NEGR1: variants seen among roughly 807,000 people sequenced by gnomAD.
The protein encoded by NEGR1 is neuronal growth regulator 1.
A neutral mutation model predicts 40.9 loss-of-function variants in NEGR1; 10 were observed. The observed-to-expected ratio is 0.24, with a 90% CI of 0.15 to 0.42. NEGR1 has a LOEUF of 0.42. NEGR1 is among the 10% of genes least tolerant of loss of function. The pLI is 1.00. For missense variants in NEGR1, 352 were observed against 438.9 expected (o/e 0.80, Z 1.77); for synonymous variants, 185 against 166.8 (o/e 1.11, Z -0.84).
intron 2 of NEGR1, among the ~76,000 whole-genome samples, chr1:71,911,494 C>G (rs534543047): frequency 6.6e-6 from 1 of 152,196 alleles, no homozygotes; most frequent in East Asian, 1.9e-4. Context: ...GTAAATAATG[C>G]AGAACACATT....
At chr1:71,750,781 A>G (rs1430364669) in intron 3 of NEGR1, among the ~76,000 whole-genome samples, 2 of 152,132 alleles carry the variant, frequency 1.3e-5, no homozygotes, top group Non-Finnish European at 2.9e-5. Context: ...TTAATCATTT[A>G]TATTTTTAAG....
intron 1 of NEGR1, among the ~76,000 whole-genome samples, chr1:72,225,181 T>C (rs1341150932): frequency 1.3e-5 from 2 of 151,910 alleles, no homozygotes; most frequent in African/African-American, 4.8e-5. Flanking sequence ...CTATATCATA[T>C]AGCCCAGAGA....
At chr1:72,028,208 T>C (rs971701995) in intron 1 of NEGR1, among the ~76,000 whole-genome samples, 4 of 152,204 alleles carry the variant, frequency 2.6e-5, no homozygotes, top group African/African-American at 9.6e-5. Context: ...CTCTTCTTAC[T>C]CCAGCATAGC....
At chr1:71,531,237 C>G (rs1323200046) in intron 6 of NEGR1, among the ~76,000 whole-genome samples, 1 of 151,196 alleles carries the variant, frequency 6.6e-6, no homozygotes, top group Non-Finnish European at 1.5e-5. Flanking sequence ...TACTGGATGC[C>G]ACTAGGTACC....
At chr1:71,709,610 T>G (rs1056022712) in intron 3 of NEGR1, among the ~76,000 whole-genome samples, 1 of 152,036 alleles carries the variant, frequency 6.6e-6, no homozygotes, top group East Asian at 1.9e-4. Flanking sequence ...CCAAGAACAG[T>G]GGGGAAAAGG....
chr1:72,109,355 A>G (rs976250848), intron 1 of NEGR1, among the ~76,000 whole-genome samples: 2 of 151,756 alleles, frequency 1.3e-5, no homozygotes, highest in Non-Finnish European at 3.0e-5. Context: ...AAGAAGAGTC[A>G]TAAATAAAAA....
intron 6 of NEGR1, among the ~76,000 whole-genome samples, chr1:71,583,740 A>T (rs557296200): frequency 6.6e-6 from 1 of 152,288 alleles, no homozygotes; most frequent in South Asian, 2.1e-4. Flanking sequence ...AGGAAAACAT[A>T]TATGTTGTTA....
chr1:71,744,196 G>C (rs997382038), intron 3 of NEGR1, among the ~76,000 whole-genome samples: 1 of 151,272 alleles, frequency 6.6e-6, no homozygotes, highest in Non-Finnish European at 1.5e-5. Context: ...TAGCTGTAAA[G>C]CTCAGGGTCC....
At chr1:71,709,522 A>C (rs1270890792) in intron 3 of NEGR1, among the ~76,000 whole-genome samples, 2 of 152,176 alleles carry the variant, frequency 1.3e-5, no homozygotes, top group Non-Finnish European at 2.9e-5. Context: ...GAAAACAGAC[A>C]CATAGAACAA....
At chr1:72,161,660 TTTTCTTTC>T (rs1180219113) in intron 1 of NEGR1, among the ~76,000 whole-genome samples, 1 of 146,814 alleles carries the variant, frequency 6.8e-6, no homozygotes, top group Non-Finnish European at 1.5e-5. Flanking sequence ...ATTATTTATT[TTTTCTTTC>T]TTTCTTTCTT....
chr1:71,977,897 C>A (rs557481970), intron 1 of NEGR1, among the ~76,000 whole-genome samples: 57 of 152,074 alleles, frequency 3.7e-4, no homozygotes, highest in African/African-American at 1.3e-3. Context: ...TCGCTCTCTG[C>A]CAGAATAAAT....
rs1444802475 is a variant in NEGR1 at position 71,746,380 on chromosome 1, G to A, written c.535+29792C>T. Among the ~76,000 whole-genome samples, 4 of 152,176 alleles carry A rather than the reference G, an allele frequency of 2.6e-5. No individual in the cohort carries two copies. In the East Asian group the frequency reaches 5.8e-4, roughly 22 times the overall value. On this transcript the variant is annotated intron_variant, in intron 3 of 6. Transcript: ENST00000357731. ...GGAAATTGTGAGATTTCTAACACGG[G>A]ATAGCAAACTTAGATAGGTGTTTCA...
At chr1:71,703,845 G>T (rs6659689) in intron 3 of NEGR1, among the ~76,000 whole-genome samples, 54,917 of 151,270 alleles carry the variant, frequency 0.36, 10,737 homozygotes, top group East Asian at 0.5. Context: ...TATAAATATT[G>T]GGGGGGGTCC....
chr1:71,552,363 C>T (rs772600110), intron 6 of NEGR1, among the ~76,000 whole-genome samples: 6 of 149,562 alleles, frequency 4.0e-5, no homozygotes, highest in Non-Finnish European at 7.4e-5. Context: ...TATAGAACAT[C>T]CACACTCTCA....
chr1:72,165,542 T>C (rs1173437005), intron 1 of NEGR1, among the ~76,000 whole-genome samples: 2 of 152,116 alleles, frequency 1.3e-5, no homozygotes, highest in East Asian at 1.9e-4. Context: ...TAGGTGTTAT[T>C]TGTGCTTGCA....
At chr1:71,883,098 G>C (rs571814758) in intron 2 of NEGR1, among the ~76,000 whole-genome samples, 2 of 151,776 alleles carry the variant, frequency 1.3e-5, no homozygotes, top group South Asian at 4.2e-4. Flanking sequence ...AAATCTTTTG[G>C]GGCCTCAGTT....
chr1:71,624,859 T>C (rs1297658110), intron 4 of NEGR1, among the ~76,000 whole-genome samples: 1 of 151,954 alleles, frequency 6.6e-6, no homozygotes, highest in African/African-American at 2.4e-5. Context: ...AATCTCCATC[T>C]GACATGGTAT....
intron 4 of NEGR1, among the ~76,000 whole-genome samples, chr1:71,647,282 C>G (rs1314890534): frequency 6.6e-6 from 1 of 151,800 alleles, no homozygotes; most frequent in Non-Finnish European, 1.5e-5. Context: ...TAAATGATCA[C>G]AGAAAGTAAT....
chr1:72,032,970 T>G (rs1282685688), intron 1 of NEGR1, among the ~76,000 whole-genome samples: 1 of 152,154 alleles, frequency 6.6e-6, no homozygotes, highest in Non-Finnish European at 1.5e-5. Context: ...AATTGCCATA[T>G]AAGTGTTAGC....
Sources: gnomAD v4.1 joint callset for allele counts (sites outside exome capture counted in the v4.1 genomes callset) on GRCh38, gnomAD v4.1.1 for gene constraint, MANE v1.5 for transcripts, NCBI Gene and HGNC (gene_info 2026-07-23, HGNC 2026-07-21) for gene names.